Variants in WASF3 observed in about 807,000 individuals in gnomAD.
WASF3 encodes the protein WASP family member 3.
In WASF3, 11 loss-of-function variants were observed where a neutral mutation model predicts 46.6. The ratio of observed to expected loss-of-function variants is 0.24; its 90% confidence interval spans 0.15 to 0.39. The LOEUF (loss-of-function observed/expected upper bound fraction) is 0.39. Among genes scored for constraint, WASF3 ranks in the 10% least tolerant of loss-of-function variants. The pLI is 1.00. For synonymous variants in WASF3, 242 were observed against 259.7 expected, an observed-to-expected ratio of 0.93 and a Z score of 0.65; for missense variants, 576 against 669.8, an observed-to-expected ratio of 0.86 and a Z score of 1.55.
chr13:26,621,549 C>T, intron 2 of WASF3, among the ~76,000 whole-genome samples: 1 of 152,148 alleles, frequency 6.6e-6, no homozygotes, highest in East Asian at 1.9e-4. Flanking sequence ...ACTAGAACCC[C>T]AGTTCCCCAA....
At chr13:26,606,312 C>G (rs867212947) in intron 1 of WASF3, among the ~76,000 whole-genome samples, 6 of 139,256 alleles carry the variant, frequency 4.3e-5, no homozygotes, top group African/African-American at 1.6e-4. Context: ...TTTCTTTTCT[C>G]TTTTTTTTCG....
At chr13:26,642,143 A>G (rs1882017221) in intron 2 of WASF3, 118 bp from the exon 3 acceptor site, 4 of 1,160,082 alleles carry the variant, frequency 3.4e-6, no homozygotes, top group Non-Finnish European at 4.7e-6. Context: ...ATTCTGTCAC[A>G]TAGAAATTTT....
chr13:26,681,265 C>G lies in WASF3; in HGVS notation c.928C>G (p.Pro310Ala), dbSNP rs151322145. The stretch of plus-strand genomic sequence containing the variant: ...TCAGCAGCCGCCCCCCCCGCCTCCC[C>G]CTCAGGCCCCAGAGGGGTCCCAGGC... ...RPQQPPPPPPPQAPEGSQASA... is the reference protein window; with the variant it reads ...RPQQPPPPPPAQAPEGSQASA... The change falls in exon 8 of 10, where the codon CCT becomes GCT. Residue 310 changes from proline to alanine, a missense_variant. This residue lies in a region of WASF3 where 295 missense variants were observed against 291.5 expected (regional missense o/e 1.01). Coordinates refer to ENST00000335327, the MANE Select transcript of WASF3 (RefSeq NM_006646.6). The G allele has an allele frequency of 5.5e-3, 8,884 of 1,613,400 alleles. 40 individuals carry two copies. Among genetic ancestry groups the G allele is most frequent in the Non-Finnish European group, 6.8e-3 (8,047 of 1,179,848 alleles).
At chr13:26,605,619 G>A (rs535095454) in intron 1 of WASF3, among the ~76,000 whole-genome samples, 104 of 152,334 alleles carry the variant, frequency 6.8e-4, no homozygotes, top group African/African-American at 2.3e-3. Flanking sequence ...TCACAGTGAA[G>A]AATGGAATTA....
upstream of WASF3, among the ~76,000 whole-genome samples, chr13:26,554,090 T>C (rs1174029034): frequency 3.2e-3 from 386 of 119,864 alleles, 8 homozygotes; most frequent in African/African-American, 0.013. Context: ...CTTCCTTCCT[T>C]CCTTCCTTCT....
At chr13:26,659,762 T>C (rs143437229) in intron 3 of WASF3, among the ~76,000 whole-genome samples, 17 of 152,200 alleles carry the variant, frequency 1.1e-4, no homozygotes, top group African/African-American at 4.1e-4. Flanking sequence ...GTGTGAGTGA[T>C]TGAGAGATGG....
rs1430238501 is a variant in WASF3, at chr13:26,642,355, G to A, written c.85G>A (p.Val29Ile). 2 of 1,612,088 alleles carry A rather than the reference G, an allele frequency of 1.2e-6. No homozygotes were observed. The highest frequency in any genetic ancestry group is 1.7e-6 in the Non-Finnish European group (2 of 1,179,348). The change falls in exon 3 of 10, where the codon GTA (valine) becomes ATA (isoleucine). Residue 29 changes from valine to isoleucine, a missense_variant. Physicochemically the swap from Val to Ile is conservative, Grantham distance 29. Transcript: ENST00000335327. ...PEGITSELEC[V>I]TNSTLAAIIR... ...AGGGATTACCAGCGAACTTGAATGT[G>A]TAACCAATAGTACTCTTGCCGCTAT...
the WASF3 span, among the ~76,000 whole-genome samples, chr13:26,550,052 C>G: frequency 1.3e-5 from 2 of 152,100 alleles, no homozygotes; most frequent in African/African-American, 2.4e-5. Context: ...CAGTAATACC[C>G]AAGCAATAAA....
chr13:26,666,601 T>C (rs1319163643), intron 4 of WASF3, among the ~76,000 whole-genome samples: 1 of 152,106 alleles, frequency 6.6e-6, no homozygotes, highest in African/African-American at 2.4e-5. Flanking sequence ...AAAAGTTTGA[T>C]GAAAGTCAGA....
chr13:26,558,243 G>A (rs1050476958), intron 1 of WASF3, among the ~76,000 whole-genome samples: 5 of 152,032 alleles, frequency 3.3e-5, no homozygotes, highest in African/African-American at 1.2e-4. Context: ...CTTCGCATCC[G>A]TTCAGTGTCT....
intron 1 of WASF3, among the ~76,000 whole-genome samples, chr13:26,599,030 C>T (rs1287364558): frequency 6.6e-6 from 1 of 152,074 alleles, no homozygotes; most frequent in African/African-American, 2.4e-5. Context: ...GCCACCGCGC[C>T]TGGCTAATTT....
chr13:26,652,228 A>G (rs1291551388), intron 3 of WASF3, among the ~76,000 whole-genome samples: 4 of 152,238 alleles, frequency 2.6e-5, no homozygotes, highest in African/African-American at 7.2e-5. Context: ...CACAAGTTAT[A>G]AGAAAGCTGG....
intron 1 of WASF3, among the ~76,000 whole-genome samples, chr13:26,591,320 AAT>A (rs1566044137): frequency 6.6e-6 from 1 of 152,156 alleles, no homozygotes; most frequent in Non-Finnish European, 1.5e-5. Flanking sequence ...CTTTGACAGA[AAT>A]GCTCTAGCTT....
chr13:26,563,196 G>C (rs1292852893), intron 1 of WASF3, among the ~76,000 whole-genome samples: 1 of 151,812 alleles, frequency 6.6e-6, no homozygotes, highest in Non-Finnish European at 1.5e-5. Flanking sequence ...TTTTGTGTCA[G>C]ATCCTATCCG....
At chr13:26,586,443 C>T (rs984091534) in intron 1 of WASF3, among the ~76,000 whole-genome samples, 5 of 152,086 alleles carry the variant, frequency 3.3e-5, no homozygotes, top group Non-Finnish European at 7.4e-5. Context: ...TACTGAGTTC[C>T]TATATATACT....
the WASF3 span, among the ~76,000 whole-genome samples, chr13:26,547,872 G>C: frequency 6.6e-6 from 1 of 152,206 alleles, no homozygotes; most frequent in East Asian, 1.9e-4. Flanking sequence ...AAACCAGTGA[G>C]AACATTTTAG....
rs767121352 is a variant in WASF3, at chr13:26,667,647, T to A, written c.399T>A (p.Pro133=). 3 of 1,614,048 alleles carry A rather than the reference T, an allele frequency of 1.9e-6. No individual in the cohort carries two copies. Among genetic ancestry groups the A allele is most frequent in the Non-Finnish European group, 2.5e-6 (3 of 1,179,988 alleles). Residue 133 remains proline, a synonymous_variant, in exon 5 of 10, where the codon CCT becomes CCA. Coordinates refer to ENST00000335327, the MANE Select transcript of WASF3 (RefSeq NM_006646.6). ...DIYNQSDKPP[P]LNILTPYRDD... ...ACAACCAGAGTGATAAGCCACCGCC[T>A]CTGAACATCCTGACACCATACAGGT...
At chr13:26,683,317 CA>C (rs1035027343) in intron 9 of WASF3, among the ~76,000 whole-genome samples, 4 of 149,826 alleles carry the variant, frequency 2.7e-5, no homozygotes, top group African/African-American at 7.4e-5. Flanking sequence ...ACAAAAAATG[CA>C]AAAAAAAATT....
intron 2 of WASF3, among the ~76,000 whole-genome samples, chr13:26,615,387 C>A (rs1881100970): frequency 1.3e-5 from 2 of 152,138 alleles, no homozygotes; most frequent in African/African-American, 4.8e-5. Flanking sequence ...CGGCTCACTG[C>A]AACCTCTGAC....
Sources: allele counts gnomAD v4.1 joint callset (sites outside exome capture counted in the v4.1 genomes callset), GRCh38; gene constraint gnomAD v4.1.1; regional missense constraint gnomAD v4.1.1; transcripts MANE v1.5; gene names NCBI Gene and HGNC (gene_info 2026-07-23, HGNC 2026-07-21).